GABRA2: variants seen among roughly 807,000 people sequenced by gnomAD.
The protein encoded by GABRA2 is gamma-aminobutyric acid receptor subunit alpha-2.
Under a neutral mutation model 48.7 loss-of-function variants are expected in GABRA2, and 16 were observed. That is an observed-to-expected ratio of 0.33 (90% CI 0.22 to 0.50). The LOEUF (loss-of-function observed/expected upper bound fraction) is 0.50. Ranked by LOEUF, GABRA2 falls within the 20% of genes least tolerant of loss-of-function variation. The pLI, the probability that GABRA2 is intolerant of heterozygous loss-of-function variation, is 0.98. For synonymous variants in GABRA2, 185 were observed against 184.5 expected (o/e 1.00, Z -0.02); for missense variants, 275 against 535.6 (o/e 0.51, Z 4.80).
At chr4:46,347,768 T>C (rs539836205) in intron 3 of GABRA2, among the ~76,000 whole-genome samples, 2 of 151,900 alleles carry the variant, frequency 1.3e-5, no homozygotes, top group Admixed American at 6.6e-5. Flanking sequence ...TAAAAAACTT[T>C]TGCACTGCAA....
intron 3 of GABRA2, among the ~76,000 whole-genome samples, chr4:46,371,340 C>A (rs1280274776): frequency 6.6e-6 from 1 of 151,990 alleles, no homozygotes; most frequent in African/African-American, 2.4e-5. Context: ...TTAAATCAAG[C>A]GTACTATTAT....
intron 4 of GABRA2, among the ~76,000 whole-genome samples, chr4:46,315,734 T>C (rs115799765): frequency 6.6e-6 from 1 of 151,996 alleles, no homozygotes; most frequent in South Asian, 2.1e-4. Flanking sequence ...ATTTTCTTTT[T>C]GTTTTTCGGA....
chr4:46,378,100 C>G (rs1207875847), intron 3 of GABRA2, among the ~76,000 whole-genome samples: 1 of 152,078 alleles, frequency 6.6e-6, no homozygotes, highest in African/African-American at 2.4e-5. Context: ...TCTGCCCGGC[C>G]GCCCCTACTG....
chr4:46,382,850 A>G (rs996431193), intron 3 of GABRA2, among the ~76,000 whole-genome samples: 1 of 152,122 alleles, frequency 6.6e-6, no homozygotes, highest in Non-Finnish European at 1.5e-5. Context: ...TTTTCTATGT[A>G]CTCATTTATA....
In GABRA2 at chr4:46,359,779, T is replaced by A. The variant is rs956817080; in HGVS notation, c.187+26295A>T. Among the ~76,000 whole-genome samples the A allele has an allele frequency of 1.6e-4, 25 of 152,124 alleles. No homozygotes were observed. The East Asian group carries it at 4.6e-3, about 28-fold the overall frequency. On this transcript the variant is annotated intron_variant, in intron 3 of 9. Coordinates refer to ENST00000381620, the MANE Select transcript of GABRA2 (RefSeq NM_000807.4). ...AAAAATATAAAAACTTAGCCGGGCA[T>A]GGAGGTGGGTGCCTGTAGTCCCAGC...
chr4:46,277,857 C>T (rs1391168512), intron 8 of GABRA2, among the ~76,000 whole-genome samples: 1 of 152,160 alleles, frequency 6.6e-6, no homozygotes, highest in African/African-American at 2.4e-5. Flanking sequence ...ATATGAGTCC[C>T]TGCTTTACCA....
At chr4:46,296,655 G>GAAAA (rs113049147) in intron 8 of GABRA2, among the ~76,000 whole-genome samples, 4,371 of 126,578 alleles carry the variant, frequency 0.035, 217 homozygotes, top group East Asian at 0.039. Context: ...TCTATCAGGG[G>GAAAA]GAAAAAAAAA....
intron 5 of GABRA2, among the ~76,000 whole-genome samples, chr4:46,311,886 G>T (rs1727700579): frequency 6.6e-6 from 1 of 152,134 alleles, no homozygotes. Flanking sequence ...ATCACTTGAG[G>T]CCAGGAGTTC....
At chr4:46,284,641 C>G (rs181704869) in intron 8 of GABRA2, among the ~76,000 whole-genome samples, 3 of 152,212 alleles carry the variant, frequency 2.0e-5, no homozygotes, top group African/African-American at 7.2e-5. Flanking sequence ...AGCAAAGTCT[C>G]TAATATCAAG....
intron 4 of GABRA2, among the ~76,000 whole-genome samples, chr4:46,318,714 A>G (rs1728953904): frequency 6.6e-6 from 1 of 151,710 alleles, no homozygotes; most frequent in Admixed American, 6.6e-5. Flanking sequence ...AGAAATTAAT[A>G]ATAAAAGGAT....
chr4:46,311,884 A>AG (rs1301938496), intron 5 of GABRA2, among the ~76,000 whole-genome samples: 1 of 152,204 alleles, frequency 6.6e-6, no homozygotes, highest in African/African-American at 2.4e-5. Context: ...GGATCACTTG[A>AG]GGCCAGGAGT....
At chr4:46,297,008 C>A (rs1479580439) in intron 8 of GABRA2, among the ~76,000 whole-genome samples, 1 of 151,912 alleles carries the variant, frequency 6.6e-6, no homozygotes, top group Non-Finnish European at 1.5e-5. Context: ...GTAATTATGA[C>A]CTTATTATTG....
Position 46,256,127 on chromosome 4 carries a change from C to T in GABRA2, c.1060-5523G>A, listed in dbSNP as rs1577771678. ...TCATTACTTGTAAAATAACAACGTG[C>T]TCATTGGTCAGATAATGCTATTGTT... On this transcript the variant is annotated intron_variant, in intron 9 of 9. Coordinates refer to ENST00000381620, the MANE Select transcript of GABRA2 (RefSeq NM_000807.4). 8.9e-6 allele frequency: 4 copies of T among 449,070 alleles called. No individual in the cohort carries two copies. In the East Asian group the frequency reaches 1.3e-4, roughly 15 times the overall value. The allele number at this position is 449,070 out of a possible 1,614,324, so 27.8% of individuals were successfully genotyped here.
At chr4:46,338,592 T>C (rs1274590957) in intron 3 of GABRA2, among the ~76,000 whole-genome samples, 1 of 151,940 alleles carries the variant, frequency 6.6e-6, no homozygotes, top group Non-Finnish European at 1.5e-5. Context: ...CAAAGTGAGG[T>C]ATCCACAATA....
chr4:46,265,111 C>A (rs997578230), intron 8 of GABRA2, among the ~76,000 whole-genome samples: 1 of 150,182 alleles, frequency 6.7e-6, no homozygotes, highest in Non-Finnish European at 1.5e-5. Context: ...TCTTAGCTCA[C>A]TGCAACCTGC....
At chr4:46,280,401 T>G (rs558214010) in intron 8 of GABRA2, among the ~76,000 whole-genome samples, 1 of 151,940 alleles carries the variant, frequency 6.6e-6, no homozygotes, top group African/African-American at 2.4e-5. Context: ...AGAAGGCCAG[T>G]GTGGATGTTA....
intron 8 of GABRA2, among the ~76,000 whole-genome samples, chr4:46,268,761 A>G (rs1718745009): frequency 6.6e-6 from 1 of 151,938 alleles, no homozygotes; most frequent in Non-Finnish European, 1.5e-5. Context: ...AACACTACTT[A>G]TAATAGCCAA....
intron 8 of GABRA2, among the ~76,000 whole-genome samples, chr4:46,292,742 G>T (rs778359812): frequency 6.6e-6 from 1 of 152,148 alleles, no homozygotes; most frequent in Admixed American, 6.5e-5. Context: ...AAAGGCTTAG[G>T]GAGATTGGGA....
intron 9 of GABRA2, 145 bp from the exon 10 acceptor site, chr4:46,250,749 A>C (rs1022839862): frequency 1.6e-6 from 1 of 620,170 alleles, no homozygotes; most frequent in Admixed American, 3.4e-5. Flanking sequence ...AAATAAATAA[A>C]GGTGTTTATT....
Sources: gnomAD v4.1 joint callset for allele counts (sites outside exome capture counted in the v4.1 genomes callset) on GRCh38, gnomAD v4.1.1 for gene constraint, MANE v1.5 for transcripts, NCBI Gene and HGNC (gene_info 2026-07-23, HGNC 2026-07-21) for gene names.